The following CAMK2D variants were observed in gnomAD, a reference collection of about 807,000 sequenced individuals.
CAMK2D encodes the protein calcium/calmodulin dependent protein kinase II delta, also known as calcium/calmodulin-dependent protein kinase type II subunit delta.
Under a neutral mutation model 84.0 loss-of-function variants are expected in CAMK2D, and 37 were observed. That is an observed-to-expected ratio of 0.44 (90% CI 0.34 to 0.58). The LOEUF (loss-of-function observed/expected upper bound fraction) is 0.58, where lower values mean the gene tolerates loss of function less well. CAMK2D is among the 20% of genes least tolerant of loss of function. CAMK2D has a pLI of 0.02. For missense variants in CAMK2D, 448 were observed against 652.5 expected, an observed-to-expected ratio of 0.69 and a Z score of 3.41; for synonymous variants, 202 against 212.5, an observed-to-expected ratio of 0.95 and a Z score of 0.43.
At chr4:113,628,852 G>A (rs1003062081) in intron 3 of CAMK2D, among the ~76,000 whole-genome samples, 2 of 151,874 alleles carry the variant, frequency 1.3e-5, no homozygotes, top group African/African-American at 2.4e-5. Context: ...TTTGAACTAA[G>A]TTGAAGGTTT....
chr4:113,471,794 C>T (rs1425087174), intron 16 of CAMK2D, among the ~76,000 whole-genome samples: 1 of 152,014 alleles, frequency 6.6e-6, no homozygotes, highest in Admixed American at 6.6e-5. Flanking sequence ...CATTGTCCCC[C>T]ACCCCTTTAA....
chr4:113,685,662 C>T (rs1561826998), intron 2 of CAMK2D, among the ~76,000 whole-genome samples: 2 of 152,108 alleles, frequency 1.3e-5, no homozygotes, highest in African/African-American at 4.8e-5. Context: ...CAAGTAGAGA[C>T]ATTTTAATTT....
At chr4:113,508,290 A>C in intron 13 of CAMK2D, 1 of 1,513,420 alleles carries the variant, frequency 6.6e-7, no homozygotes, top group Non-Finnish European at 9.0e-7. Flanking sequence ...AGTCAAAGAG[A>C]AAGGAAAAGA....
At position 113,537,680 on chromosome 4, in the gene CAMK2D, G is replaced by T. The variant is rs187278860; in HGVS notation, c.415-237C>A. ...CTAGAGAGATACTGGGTAGAAGAGA[G>T]AATACACTTGGGGAGGGATCAAATG... On this transcript the variant is annotated intron_variant, in intron 6 of 20. Coordinates refer to ENST00000511664, the MANE Select transcript of CAMK2D (RefSeq NM_001321571.2). Among the ~76,000 whole-genome samples the T allele has an allele frequency of 2.6e-5, 4 of 152,250 alleles. No individual in the cohort carries two copies. The East Asian group carries it at 7.7e-4, about 29-fold the overall frequency.
chr4:113,549,410 A>T (rs1005091469), intron 5 of CAMK2D, among the ~76,000 whole-genome samples: 1 of 152,238 alleles, frequency 6.6e-6, no homozygotes, highest in South Asian at 2.1e-4. Context: ...ACAAATTTAC[A>T]ATCCCCTGGA....
chr4:113,688,982 T>A (rs866833054), intron 2 of CAMK2D, among the ~76,000 whole-genome samples: 1 of 142,922 alleles, frequency 7.0e-6, no homozygotes, highest in East Asian at 2.0e-4. Flanking sequence ...CAGTGGCTCA[T>A]GCCTGTAACC....
chr4:113,466,728 C>T (rs758704538), intron 16 of CAMK2D, among the ~76,000 whole-genome samples: 4 of 152,146 alleles, frequency 2.6e-5, no homozygotes, highest in Non-Finnish European at 5.9e-5. Context: ...GGCTCAAATC[C>T]TATCTATTCA....
intron 8 of CAMK2D, among the ~76,000 whole-genome samples, chr4:113,527,185 T>C (rs1037390488): frequency 5.9e-5 from 9 of 152,066 alleles, no homozygotes; most frequent in Non-Finnish European, 1.3e-4. Context: ...CCATCAACAC[T>C]GAGGCAAGAC....
chr4:113,666,095 A>C (rs926482024), intron 2 of CAMK2D, among the ~76,000 whole-genome samples: 1 of 152,230 alleles, frequency 6.6e-6, no homozygotes, highest in Non-Finnish European at 1.5e-5. Flanking sequence ...TTTAATCTTT[A>C]TGCAAAAGAA....
intron 2 of CAMK2D, among the ~76,000 whole-genome samples, chr4:113,747,975 T>C (rs574151127): frequency 2.7e-4 from 41 of 152,286 alleles, no homozygotes; most frequent in Middle Eastern, 3.4e-3. Context: ...GTTCCAATAT[T>C]CTGGCTTCTC....
At chr4:113,742,162 G>C (rs1209478472) in intron 2 of CAMK2D, among the ~76,000 whole-genome samples, 1 of 152,124 alleles carries the variant, frequency 6.6e-6, no homozygotes, top group Non-Finnish European at 1.5e-5. Flanking sequence ...TTGTTAAATA[G>C]ATGAGTAAAT....
chr4:113,663,380 G>C (rs2099243215), intron 2 of CAMK2D, among the ~76,000 whole-genome samples: 1 of 152,024 alleles, frequency 6.6e-6, no homozygotes, highest in Admixed American at 6.6e-5. Context: ...GAGGCCAGGA[G>C]TTCAAGACAA....
chr4:113,691,978 T>C (rs1435523674), intron 2 of CAMK2D, among the ~76,000 whole-genome samples: 1 of 152,156 alleles, frequency 6.6e-6, no homozygotes. Flanking sequence ...TAGCAATACA[T>C]GAGAAGAAGA....
At chr4:113,663,524 T>C (rs1028497875) in intron 2 of CAMK2D, among the ~76,000 whole-genome samples, 1 of 151,858 alleles carries the variant, frequency 6.6e-6, no homozygotes, top group Admixed American at 6.6e-5. Flanking sequence ...GGGAGATGGA[T>C]GTTGCAGTGT....
intron 16 of CAMK2D, among the ~76,000 whole-genome samples, chr4:113,494,219 C>G (rs1413898637): frequency 6.6e-6 from 1 of 152,202 alleles, no homozygotes; most frequent in Non-Finnish European, 1.5e-5. Flanking sequence ...AGGCACTCTG[C>G]TTTTTAGAGT....
intron 2 of CAMK2D, among the ~76,000 whole-genome samples, chr4:113,722,078 C>T (rs1478656582): frequency 6.6e-6 from 1 of 152,062 alleles, no homozygotes; most frequent in Non-Finnish European, 1.5e-5. Flanking sequence ...TCTTGTTAAC[C>T]TACCGATTGT....
intron 3 of CAMK2D, among the ~76,000 whole-genome samples, chr4:113,632,331 C>A (rs2099093116): frequency 6.6e-6 from 1 of 152,022 alleles, no homozygotes; most frequent in South Asian, 2.1e-4. Flanking sequence ...TTAAGCGATT[C>A]TCCTGCCTCA....
intron 16 of CAMK2D, among the ~76,000 whole-genome samples, chr4:113,468,026 T>C (rs2097498457): frequency 6.6e-6 from 1 of 152,006 alleles, no homozygotes; most frequent in African/African-American, 2.4e-5. Context: ...GAAATGAGCA[T>C]AAGATCAACG....
At chr4:113,571,292 A>G (rs1335818099) in intron 4 of CAMK2D, among the ~76,000 whole-genome samples, 3 of 152,200 alleles carry the variant, frequency 2.0e-5, no homozygotes. Flanking sequence ...ACTATGGGGT[A>G]TATATTCAAA....
Sources: allele counts gnomAD v4.1 joint callset (sites outside exome capture counted in the v4.1 genomes callset), GRCh38; gene constraint gnomAD v4.1.1; transcripts MANE v1.5; gene names NCBI Gene and HGNC (gene_info 2026-07-23, HGNC 2026-07-21).